Variants in MKX observed in about 807,000 individuals in gnomAD.
MKX encodes homeobox protein Mohawk.
MKX carries 13 observed loss-of-function variants against 36.0 expected under a neutral mutation model. That is an observed-to-expected ratio of 0.36 (90% CI 0.24 to 0.57). The LOEUF (loss-of-function observed/expected upper bound fraction) is 0.57, where lower values mean the gene tolerates loss of function less well. MKX is among the 20% of genes least tolerant of loss of function. The pLI, the probability that MKX is intolerant of heterozygous loss-of-function variation, is 0.79. For synonymous variants in MKX, 176 were observed against 178.3 expected, an observed-to-expected ratio of 0.99 and a Z score of 0.10; for missense variants, 458 against 456.4, an observed-to-expected ratio of 1.00 and a Z score of -0.03.
intron 1 of MKX, among the ~76,000 whole-genome samples, chr10:27,743,932 G>A (rs566563359): frequency 5.3e-5 from 8 of 152,298 alleles, no homozygotes; most frequent in Admixed American, 2.0e-4. Context: ...AACTCGGGGC[G>A]TCAGGAGGGG....
intron 5 of MKX, among the ~76,000 whole-genome samples, chr10:27,721,830 A>AT (rs1189739700): frequency 2.6e-5 from 4 of 152,182 alleles, no homozygotes; most frequent in Non-Finnish European, 5.9e-5. Flanking sequence ...TTTAAGTTTG[A>AT]TAGAATACAA....
intron 5 of MKX, among the ~76,000 whole-genome samples, chr10:27,727,423 G>A (rs542187350): frequency 3.9e-4 from 60 of 152,306 alleles, no homozygotes; most frequent in African/African-American, 1.4e-3. Context: ...CACAATGGGT[G>A]AAACCCTGGT....
rs1482483319 is a variant in MKX, at chr10:27,734,588, C to T, written c.706G>A (p.Ala236Thr). 1 of 1,614,046 alleles carries T rather than the reference C, an allele frequency of 6.2e-7. No homozygotes were observed. Among genetic ancestry groups the T allele is most frequent in the African/African-American group, 1.3e-5 (1 of 74,920 alleles). The part of the protein sequence containing the change: ...YLNDSLRHVM[A>T]TNTTMMGKTR... The stretch of plus-strand genomic sequence containing the variant: ...TTTCCCATCATGGTAGTGTTCGTGG[C>T]CATGACATGTCTCAAAGAGTCATTA... Residue 236 changes from alanine (A) to threonine (T), a missense_variant, in exon 5 of 7, where the codon GCC (alanine) becomes ACC (threonine). By Grantham distance (58) the Ala-to-Thr change is moderately conservative. This residue lies in a region of MKX where 297 missense variants were observed against 304.4 expected (regional missense o/e 0.98). Transcript: ENST00000419761.
chr10:27,738,579 T>C (rs749059339), intron 3 of MKX, among the ~76,000 whole-genome samples: 7 of 152,042 alleles, frequency 4.6e-5, no homozygotes, highest in African/African-American at 9.7e-5. Context: ...ATATGGGAGA[T>C]AGTTAGATAT....
At chr10:27,684,169 G>T (rs1836302016) in intron 5 of MKX, among the ~76,000 whole-genome samples, 1 of 152,104 alleles carries the variant, frequency 6.6e-6, no homozygotes, top group Middle Eastern at 3.4e-3. Flanking sequence ...TTGAAAATTA[G>T]CCAGGCATGG....
chr10:27,739,166 T>A (rs1834839847), intron 3 of MKX, among the ~76,000 whole-genome samples: 1 of 152,066 alleles, frequency 6.6e-6, no homozygotes, highest in African/African-American at 2.4e-5. Flanking sequence ...CAAACCCCAA[T>A]CACATACCAT....
At chr10:27,683,634 A>G (rs1336717233) in intron 5 of MKX, among the ~76,000 whole-genome samples, 2 of 152,196 alleles carry the variant, frequency 1.3e-5, no homozygotes, top group Non-Finnish European at 2.9e-5. Flanking sequence ...CTGCACACCT[A>G]TTAAGTTTGG....
chr10:27,741,766 G>A lies in MKX; in HGVS notation c.189-262C>T, dbSNP rs1182023393. Reference sequence around the variant, plus strand: ...CCCCAAGGTTAGAGGTTTAGAAGACGAAGGTCAAGTGATTTGAAGAATACT... The same window carrying A: ...CCCCAAGGTTAGAGGTTTAGAAGACAAAGGTCAAGTGATTTGAAGAATACT... On this transcript the variant is annotated intron_variant, in intron 2 of 6. Coordinates refer to ENST00000419761, the MANE Select transcript of MKX (RefSeq NM_173576.3). This position sits in a 1 kb window ranked among gnomAD's most constrained non-coding sequence, Gnocchi z 5.1. Among the ~76,000 whole-genome samples the A allele has an allele frequency of 6.6e-5, 10 of 152,240 alleles. No homozygotes were observed. The highest frequency in any genetic ancestry group is 4.1e-4 in the South Asian group (2 of 4,836).
At chr10:27,683,535 C>T (rs149501287) in intron 5 of MKX, among the ~76,000 whole-genome samples, 1 of 152,366 alleles carries the variant, frequency 6.6e-6, no homozygotes, top group East Asian at 1.9e-4. Flanking sequence ...GAGGACTGGC[C>T]TAGTGCCCTT....
Position 27,743,455 on chromosome 10 carries a change from C to T in MKX, c.-40G>A, listed in dbSNP as rs1413687188. On this transcript the variant is annotated 5_prime_UTR_variant, in exon 2 of 7. Transcript: ENST00000419761. ...GGGACGCGCGGCGCGGCCGCAGAGC[C>T]TCGGGGCTGGGCCGCCGGGAGCTCC... is the stretch of plus-strand genomic sequence containing the variant. The T allele has an allele frequency of 6.7e-7, 1 of 1,492,408 alleles. No individual in the cohort carries two copies. Among genetic ancestry groups the T allele is most frequent in the Non-Finnish European group, 8.9e-7 (1 of 1,125,926 alleles). 92.4% of individuals were successfully genotyped at this position (1,492,408 alleles called of 1,614,324 possible).
chr10:27,696,862 T>C lies in MKX; in HGVS notation c.839-21308A>G, dbSNP rs529491723. 1.0e-3 allele frequency among the ~76,000 whole-genome samples: 158 copies of C among 152,272 alleles called. 1 individual carries two copies. The highest frequency in any genetic ancestry group is 1.7e-3 in the Non-Finnish European group (115 of 68,022). ...TAAAGGTTCTTACTCAAGAAGAGTA[T>C]GGCATTTGAATGTAGGTGACACCTT... On this transcript the variant is annotated intron_variant, in intron 5 of 6. Coordinates refer to ENST00000419761, the MANE Select transcript of MKX (RefSeq NM_173576.3).
chr10:27,702,602 T>G (rs761554492), intron 5 of MKX, among the ~76,000 whole-genome samples: 9 of 152,202 alleles, frequency 5.9e-5, no homozygotes, highest in African/African-American at 9.6e-5. Flanking sequence ...GTGTTGTGTC[T>G]AAGGGTGAAA....
At position 27,741,561 on chromosome 10, in the gene MKX, G is replaced by C. The variant is rs2132655107; in HGVS notation, c.189-57C>G. On this transcript the variant is annotated intron_variant, in intron 2 of 6. Coordinates refer to ENST00000419761, the MANE Select transcript of MKX (RefSeq NM_173576.3). This position sits in a 1 kb window ranked among gnomAD's most constrained non-coding sequence, Gnocchi z 5.1. ...GAGCGACGCGTTTGCCCGCCCGGAC[G>C]CTCCACGCCCCGGCCAAGCCCGGGC... is the stretch of plus-strand genomic sequence containing the variant. The C allele has an allele frequency of 6.6e-7, 1 of 1,509,366 alleles. No homozygotes were observed. The highest frequency in any genetic ancestry group is 8.8e-7 in the Non-Finnish European group (1 of 1,137,398). The allele number at this position is 1,509,366 out of a possible 1,614,324, so 93.5% of individuals were successfully genotyped here.
At position 27,742,619 on chromosome 10, in the gene MKX, C is replaced by G. The variant is rs1372988377; in HGVS notation, c.188+609G>C. On this transcript the variant is annotated intron_variant, in intron 2 of 6. Coordinates refer to ENST00000419761, the MANE Select transcript of MKX (RefSeq NM_173576.3). This position sits in a 1 kb window ranked among gnomAD's most constrained non-coding sequence, Gnocchi z 4.2. ...AGCTGGCCCACCCGCAAGCTACCGC[C>G]CCCCCCAGCATACCCCTCACCCCGC... 6.7e-6 allele frequency among the ~76,000 whole-genome samples: 1 copy of G among 149,916 alleles called. No individual in the cohort carries two copies. The highest frequency in any genetic ancestry group is 1.5e-5 in the Non-Finnish European group (1 of 67,842).
rs571973922 is a variant in MKX at position 27,709,792 on chromosome 10, C to T, written c.838+24664G>A. On this transcript the variant is annotated intron_variant, in intron 5 of 6. Coordinates refer to ENST00000419761, the MANE Select transcript of MKX (RefSeq NM_173576.3). ...ACCACCACCACCATTTGGGAAGCCC[C>T]GTGACTCTAAGGCAGTGCTGTCAAT... Among the ~76,000 whole-genome samples, 7 of 152,250 alleles carry T rather than the reference C, an allele frequency of 4.6e-5. No individual in the cohort carries two copies. In the East Asian group the frequency reaches 5.8e-4, roughly 13 times the overall value.
chr10:27,711,469 TTCTTTCTTTCTTTC>T (rs1181914622), intron 5 of MKX, among the ~76,000 whole-genome samples: 7 of 8,024 alleles, frequency 8.7e-4, no homozygotes, highest in South Asian at 9.4e-3. Context: ...CTTTCTTTCT[TTCTTTCTTTCTTTC>T]TCTCTCTCTC....
intron 3 of MKX, among the ~76,000 whole-genome samples, chr10:27,739,510 G>A (rs1189343027): frequency 1.3e-5 from 2 of 152,048 alleles, no homozygotes; most frequent in Admixed American, 1.3e-4. Context: ...TTTTAAAAAT[G>A]TAATAGCCTT....
intron 5 of MKX, among the ~76,000 whole-genome samples, chr10:27,716,988 G>A (rs1215522482): frequency 6.6e-6 from 1 of 152,150 alleles, no homozygotes; most frequent in Non-Finnish European, 1.5e-5. Flanking sequence ...GGGGAAGGCA[G>A]GGGGAGAAGT....
chr10:27,743,238 G>A lies in MKX; in HGVS notation c.178C>T (p.Arg60Trp). Residue 60 changes from arginine (R) to tryptophan (W), a missense_variant, in exon 2 of 7, where the codon CGG (arginine) becomes TGG (tryptophan). Arg to Trp is a moderately radical substitution (Grantham distance 101). This residue lies in a region of MKX where 149 missense variants were observed against 114.3 expected (regional missense o/e 1.30). Transcript: ENST00000419761. ...GGGGAGTGCGCATACCCGGTCCTCCGGTGTCTCAGGCCGAGGTTGTCCTTG... is the reference window on the plus strand; with the variant it reads ...GGGGAGTGCGCATACCCGGTCCTCCAGTGTCTCAGGCCGAGGTTGTCCTTG... ...PLKDNLGLRH[R>W]RTGARQNGGK... The A allele has an allele frequency of 6.6e-7, 1 of 1,514,762 alleles. No homozygotes were observed. The highest frequency in any genetic ancestry group is 8.8e-7 in the Non-Finnish European group (1 of 1,138,226). 93.8% of individuals were successfully genotyped at this position (1,514,762 alleles called of 1,614,324 possible). A position where few individuals can be genotyped will look rare whatever the true frequency, so the allele number is the denominator to read the frequency against.
Sources: allele counts gnomAD v4.1 joint callset (sites outside exome capture counted in the v4.1 genomes callset), GRCh38; gene constraint gnomAD v4.1.1; regional missense constraint gnomAD v4.1.1; non-coding constraint Gnocchi (gnomAD v3.1); transcripts MANE v1.5; gene names NCBI Gene and HGNC (gene_info 2026-07-23, HGNC 2026-07-21).